Variants in DARS1 observed in about 807,000 individuals in gnomAD.
DARS1 encodes the protein aspartyl-tRNA synthetase 1.
In DARS1, 51 loss-of-function variants were observed where a neutral mutation model predicts 68.8. The observed-to-expected ratio is 0.74, with a 90% CI of 0.59 to 0.94. The LOEUF (loss-of-function observed/expected upper bound fraction) is 0.94. DARS1 is among the 40% of genes least tolerant of loss of function. The pLI is 0.00. For synonymous variants in DARS1, 203 were observed against 190.4 expected (o/e 1.07, Z -0.55); for missense variants, 607 against 597.3 (o/e 1.02, Z -0.17).
At chr2:135,911,106 T>C (rs753644168) in intron 15 of DARS1, 33 bp downstream of exon 15, 9 of 927,260 alleles carry the variant, frequency 9.7e-6, no homozygotes, top group Middle Eastern at 2.3e-4. Flanking sequence ...TTAGAACTTA[T>C]GAACTTATTT....
chr2:135,976,782 C>CA (rs10598545), intron 3 of DARS1, among the ~76,000 whole-genome samples: 9,999 of 104,384 alleles, frequency 0.096, 954 homozygotes, highest in African/African-American at 0.25. Flanking sequence ...GCAAATATTC[C>CA]AAAAAAAAAA....
chr2:135,943,746 C>T (rs1388507029), intron 4 of DARS1, among the ~76,000 whole-genome samples: 1 of 151,998 alleles, frequency 6.6e-6, no homozygotes, highest in Non-Finnish European at 1.5e-5. Context: ...AAACCAGTAC[C>T]GAATTGGGAA....
At chr2:135,978,976 T>TC (rs1682560887) in intron 3 of DARS1, 2 of 231,008 alleles carry the variant, frequency 8.7e-6, no homozygotes, top group South Asian at 3.5e-4. Context: ...TTTCAATTTT[T>TC]TTTTTTTTTT....
intron 5 of DARS1, among the ~76,000 whole-genome samples, chr2:135,941,793 G>T (rs1681603678): frequency 2.0e-5 from 3 of 152,048 alleles, no homozygotes; most frequent in African/African-American, 4.8e-5. Flanking sequence ...AATCTACAAT[G>T]AACTCCAACA....
chr2:135,942,232 T>C (rs1344685408), intron 5 of DARS1, among the ~76,000 whole-genome samples: 2 of 152,018 alleles, frequency 1.3e-5, no homozygotes, highest in African/African-American at 2.4e-5. Context: ...CTATTCGCAA[T>C]AGCAAAAACT....
At chr2:135,929,658 A>C (rs1681300445) in intron 7 of DARS1, among the ~76,000 whole-genome samples, 2 of 152,206 alleles carry the variant, frequency 1.3e-5, no homozygotes, top group African/African-American at 4.8e-5. Context: ...TTGCCAGGAT[A>C]ATCTCTTATA....
At chr2:135,963,531 C>G (rs1682145507) in intron 3 of DARS1, among the ~76,000 whole-genome samples, 1 of 151,930 alleles carries the variant, frequency 6.6e-6, no homozygotes, top group Non-Finnish European at 1.5e-5. Context: ...GCCACCAGGC[C>G]TAGCTAATTT....
intron 4 of DARS1, among the ~76,000 whole-genome samples, chr2:135,950,426 G>A (rs1480350205): frequency 6.6e-6 from 1 of 152,194 alleles, no homozygotes; most frequent in Non-Finnish European, 1.5e-5. Context: ...TAACTGAGCT[G>A]CTAGCTTCCC....
In DARS1 at chr2:135,920,632, A is replaced by C. The variant is rs770361271; in HGVS notation, c.812-32T>G. 9 of 1,534,058 alleles carry C rather than the reference A, an allele frequency of 5.9e-6. No individual in the cohort carries two copies. In the Admixed American group the frequency reaches 1.1e-4, roughly 19 times the overall value. On this transcript the variant is annotated intron_variant, in intron 9 of 15. Transcript: ENST00000264161. ...AGTTAATAAAAGAAATAGAGAGCAA[A>C]CACTGATTTCAATTTTGGATAAATA...
chr2:135,907,302 G>A lies in DARS1; in HGVS notation c.*14C>T. On this transcript the variant is annotated 3_prime_UTR_variant, in exon 16 of 16. Transcript: ENST00000264161. ...TCTGTCATCCACACTGGAGTTAAGT[G>A]GCAAAGTGTGAATTTAAGGAGTGAG... is the stretch of plus-strand genomic sequence containing the variant. 2.7e-6 allele frequency: 4 copies of A among 1,506,466 alleles called. No homozygotes were observed. The highest frequency in any genetic ancestry group is 1.1e-5 in the South Asian group (1 of 88,026). The allele number at this position is 1,506,466 out of a possible 1,614,324, so 93.3% of individuals were successfully genotyped here. A position where few individuals can be genotyped will look rare whatever the true frequency, so the allele number is the denominator to read the frequency against.
chr2:135,976,782 CAAAA>C (rs10598545), intron 3 of DARS1, among the ~76,000 whole-genome samples: 23,050 of 104,450 alleles, frequency 0.22, 2,089 homozygotes, highest in Middle Eastern at 0.49. Context: ...GCAAATATTC[CAAAA>C]AAAAAAAAAA....
intron 4 of DARS1, among the ~76,000 whole-genome samples, chr2:135,948,948 G>T (rs767193987): frequency 2.6e-5 from 4 of 151,866 alleles, no homozygotes; most frequent in Non-Finnish European, 2.9e-5. Flanking sequence ...CCTATTTTAG[G>T]TGAAAGATCT....
In DARS1 at chr2:135,924,552, T is replaced by G. The variant is rs1478261178; in HGVS notation, c.565-54A>C. The G allele has an allele frequency of 3.8e-6, 6 of 1,567,454 alleles. No homozygotes were observed. The South Asian group carries it at 7.4e-5, about 19-fold the overall frequency. On this transcript the variant is annotated intron_variant, in intron 7 of 15. Transcript: ENST00000264161. ...ATCAACGTACTTAATTACTAAGCAC[T>G]AACTCTGTGGGCTAGGCACTGTGGA... is the stretch of plus-strand genomic sequence containing the variant.
intron 4 of DARS1, among the ~76,000 whole-genome samples, chr2:135,947,745 C>T (rs1681756983): frequency 6.6e-6 from 1 of 151,304 alleles, no homozygotes; most frequent in East Asian, 2.0e-4. Context: ...TCTCAGAATG[C>T]ATCATCAGCT....
intron 5 of DARS1, among the ~76,000 whole-genome samples, chr2:135,938,545 C>A (rs1416517246): frequency 4.6e-5 from 7 of 152,174 alleles, no homozygotes; most frequent in African/African-American, 1.7e-4. Flanking sequence ...CGAGGAGCTG[C>A]GTTCCTTTGG....
intron 15 of DARS1, 31 bp downstream of exon 15, chr2:135,911,107 GA>G: frequency 1.1e-6 from 1 of 933,760 alleles, no homozygotes; most frequent in Non-Finnish European, 1.7e-6. Flanking sequence ...TAGAACTTAT[GA>G]ACTTATTTGT....
rs977051485 is a variant in DARS1, at chr2:135,922,639, C to T, written c.811+145G>A. The T allele has an allele frequency of 4.9e-6, 6 of 1,234,408 alleles. No homozygotes were observed. The African/African-American group carries it at 9.4e-5, about 19-fold the overall frequency. 76.5% of individuals were successfully genotyped at this position (1,234,408 alleles called of 1,614,324 possible). A position where few individuals can be genotyped will look rare whatever the true frequency, so the allele number is the denominator to read the frequency against. ...GTCTACCCAAATATATTATCTCTAA[C>T]TCAAAGTCTAGCATTTGTGTAGTCA... On this transcript the variant is annotated intron_variant, in intron 9 of 15. Coordinates refer to ENST00000264161, the MANE Select transcript of DARS1 (RefSeq NM_001349.4).
intron 3 of DARS1, among the ~76,000 whole-genome samples, chr2:135,971,224 G>A (rs185566471): frequency 3.3e-5 from 5 of 152,072 alleles, no homozygotes; most frequent in South Asian, 2.1e-4. Flanking sequence ...TCAACAATAC[G>A]GTAAAAAGAT....
intron 3 of DARS1, among the ~76,000 whole-genome samples, chr2:135,965,286 G>GA (rs1682198302): frequency 1.3e-5 from 2 of 151,966 alleles, no homozygotes; most frequent in African/African-American, 2.4e-5. Flanking sequence ...ATAACACTGA[G>GA]AAAAAATAAG....
Sources: allele counts gnomAD v4.1 joint callset (sites outside exome capture counted in the v4.1 genomes callset), GRCh38; gene constraint gnomAD v4.1.1; transcripts MANE v1.5; gene names NCBI Gene and HGNC (gene_info 2026-07-23, HGNC 2026-07-21).